Variants in CMTM7 observed in about 807,000 individuals in gnomAD.
The protein encoded by CMTM7 is CKLF-like MARVEL transmembrane domain-containing protein 7.
A neutral mutation model predicts 19.3 loss-of-function variants in CMTM7; 7 were observed. That is an observed-to-expected ratio of 0.36 (90% confidence interval 0.21 to 0.68). CMTM7 has a LOEUF of 0.68. Ranked by LOEUF, CMTM7 falls within the 30% of genes least tolerant of loss-of-function variation. The probability of loss-of-function intolerance (pLI) is 0.60; values close to 1 mark genes in which losing one functional copy is unlikely to be tolerated. For missense variants in CMTM7, 193 were observed against 232.6 expected (o/e 0.83, Z 1.11); for synonymous variants, 87 against 99.3 (o/e 0.88, Z 0.74).
chr3:32,434,575 C>T (rs1233229845), intron 1 of CMTM7, among the ~76,000 whole-genome samples: 1 of 149,672 alleles, frequency 6.7e-6, no homozygotes, highest in Non-Finnish European at 1.5e-5. Context: ...TCCCAAAGCA[C>T]TGAGATTACA....
At chr3:32,446,661 C>A (rs898274842) in intron 2 of CMTM7, among the ~76,000 whole-genome samples, 4 of 152,092 alleles carry the variant, frequency 2.6e-5, no homozygotes, top group African/African-American at 4.8e-5. Flanking sequence ...GTGTTTGGAT[C>A]ATGGGGGCAG....
intron 1 of CMTM7, among the ~76,000 whole-genome samples, chr3:32,430,811 G>A (rs377134710): frequency 6.6e-6 from 1 of 151,972 alleles, no homozygotes; most frequent in Admixed American, 6.6e-5. Context: ...GTCATCCCAC[G>A]TGTTAGAGAT....
intron 1 of CMTM7, among the ~76,000 whole-genome samples, chr3:32,402,709 G>A (rs916305191): frequency 6.6e-6 from 1 of 152,166 alleles, no homozygotes; most frequent in Admixed American, 6.5e-5. Flanking sequence ...TGGGATTACA[G>A]GCTCCCGCTA....
At chr3:32,418,308 T>G (rs917830110) in intron 1 of CMTM7, among the ~76,000 whole-genome samples, 1 of 152,198 alleles carries the variant, frequency 6.6e-6, no homozygotes, top group Non-Finnish European at 1.5e-5. Flanking sequence ...CTGGATAAAG[T>G]TCTTTGTCAG....
At chr3:32,394,760 A>G (rs1189146383) in intron 1 of CMTM7, among the ~76,000 whole-genome samples, 1 of 151,908 alleles carries the variant, frequency 6.6e-6, no homozygotes, top group East Asian at 1.9e-4. Context: ...CAGTGGAACG[A>G]TCTCAGCTCA....
chr3:32,395,309 C>CT (rs894893910), intron 1 of CMTM7, among the ~76,000 whole-genome samples: 3 of 151,530 alleles, frequency 2.0e-5, no homozygotes, highest in Non-Finnish European at 4.4e-5. Flanking sequence ...GCATGAGACT[C>CT]TTTTTTTTAA....
intron 1 of CMTM7, among the ~76,000 whole-genome samples, chr3:32,414,727 G>A (rs1005918331): frequency 2.6e-5 from 4 of 152,214 alleles, no homozygotes; most frequent in African/African-American, 9.7e-5. Flanking sequence ...GACAACGGAA[G>A]TGCTGCAGGG....
intron 1 of CMTM7, among the ~76,000 whole-genome samples, chr3:32,432,207 A>G (rs1185443112): frequency 6.6e-6 from 1 of 152,232 alleles, no homozygotes; most frequent in East Asian, 1.9e-4. Flanking sequence ...ACCTGGCCAC[A>G]GTTGTGAGGA....
intron 2 of CMTM7, among the ~76,000 whole-genome samples, chr3:32,447,392 T>C (rs1696768020): frequency 6.6e-6 from 1 of 152,246 alleles, no homozygotes; most frequent in Admixed American, 6.5e-5. Context: ...TGTATATTTG[T>C]ATATTATACT....
intron 1 of CMTM7, among the ~76,000 whole-genome samples, chr3:32,432,718 T>C (rs982094463): frequency 1.3e-5 from 2 of 152,226 alleles, no homozygotes; most frequent in African/African-American, 4.8e-5. Context: ...CACACAGATG[T>C]AAGGCACATA....
chr3:32,428,588 T>C (rs1188248709), intron 1 of CMTM7, among the ~76,000 whole-genome samples: 3 of 152,226 alleles, frequency 2.0e-5, no homozygotes, highest in Non-Finnish European at 4.4e-5. Context: ...CGGCCTGGGC[T>C]TTGGCTGTAA....
chr3:32,422,535 G>C (rs541078409), intron 1 of CMTM7, among the ~76,000 whole-genome samples: 1 of 152,356 alleles, frequency 6.6e-6, no homozygotes, highest in Non-Finnish European at 1.5e-5. Context: ...GCCAAGCACA[G>C]AGCTGGACGT....
At chr3:32,430,699 G>GTGTGTA (rs1448108483) in intron 1 of CMTM7, among the ~76,000 whole-genome samples, 1 of 150,516 alleles carries the variant, frequency 6.6e-6, no homozygotes, top group Non-Finnish European at 1.5e-5. Flanking sequence ...GTGTGTGTGT[G>GTGTGTA]TGTGTGTGTG....
In CMTM7 at chr3:32,441,897, G is replaced by A. The variant is rs1017441804; in HGVS notation, c.217G>A (p.Ala73Thr). The A allele has an allele frequency of 8.7e-6, 14 of 1,614,164 alleles. No individual in the cohort carries two copies. Among genetic ancestry groups the A allele is most frequent in the Admixed American group, 3.3e-5 (2 of 60,024 alleles). Residue 73 changes from alanine (A) to threonine (T), a missense_variant, in exon 2 of 5, where the codon GCC becomes ACC. Transcript: ENST00000334983. ...VRSSLWTNYS[A>T]YSYFEVVTIC... ...GAGCTCCCTGTGGACCAACTACAGCGCCTACAGCTACTTTGAAGTGGTCAC... is the reference window on the plus strand; with the variant it reads ...GAGCTCCCTGTGGACCAACTACAGCACCTACAGCTACTTTGAAGTGGTCAC...
chr3:32,395,606 C>G (rs975217942), intron 1 of CMTM7, among the ~76,000 whole-genome samples: 1 of 152,100 alleles, frequency 6.6e-6, no homozygotes, highest in Non-Finnish European at 1.5e-5. Flanking sequence ...ACACTTCACA[C>G]CCACGGAGAT....
At chr3:32,414,225 C>T (rs148969156) in intron 1 of CMTM7, among the ~76,000 whole-genome samples, 1 of 152,288 alleles carries the variant, frequency 6.6e-6, no homozygotes, top group African/African-American at 2.4e-5. Context: ...AATTCCACCA[C>T]CCCAGGACCA....
chr3:32,429,531 TC>T, intron 1 of CMTM7, among the ~76,000 whole-genome samples: 1 of 152,124 alleles, frequency 6.6e-6, no homozygotes, highest in Middle Eastern at 3.4e-3. Flanking sequence ...GACCAAGTGA[TC>T]CACCTGCCTT....
chr3:32,424,972 A>G (rs1425296358), intron 1 of CMTM7, among the ~76,000 whole-genome samples: 1 of 152,164 alleles, frequency 6.6e-6, no homozygotes, highest in African/African-American at 2.4e-5. Context: ...CTTTGCTGAA[A>G]ACAGAGGCCA....
intron 1 of CMTM7, among the ~76,000 whole-genome samples, chr3:32,426,340 T>C (rs1032620409): frequency 2.6e-5 from 4 of 152,218 alleles, no homozygotes; most frequent in Admixed American, 2.6e-4. Flanking sequence ...AATATTTATG[T>C]CATGAATATT....
Sources: gnomAD v4.1 joint callset for allele counts (sites outside exome capture counted in the v4.1 genomes callset) on GRCh38, gnomAD v4.1.1 for gene constraint, MANE v1.5 for transcripts, NCBI Gene and HGNC (gene_info 2026-07-23, HGNC 2026-07-21) for gene names.